The following CPEB3 variants were observed in gnomAD, a reference collection of about 807,000 sequenced individuals.
CPEB3 encodes the protein cytoplasmic polyadenylation element binding protein 3.
Under a neutral mutation model 67.2 loss-of-function variants are expected in CPEB3, and 20 were observed. The observed-to-expected ratio is 0.30, with a 90% CI of 0.21 to 0.43. The LOEUF (loss-of-function observed/expected upper bound fraction) is 0.43, where lower values mean the gene tolerates loss of function less well. CPEB3 is among the 20% of genes least tolerant of loss of function. The pLI is 1.00. For synonymous variants in CPEB3, 376 were observed against 393.1 expected (o/e 0.96, Z 0.51); for missense variants, 746 against 968.6 (o/e 0.77, Z 3.05).
At chr10:92,071,794 C>T (rs1185674618) in intron 9 of CPEB3, among the ~76,000 whole-genome samples, 1 of 151,912 alleles carries the variant, frequency 6.6e-6, no homozygotes, top group Admixed American at 6.6e-5. Context: ...CAAAACCAGC[C>T]ACATAAAAGA....
chr10:92,218,451 A>G (rs900332046), intron 2 of CPEB3, among the ~76,000 whole-genome samples: 7 of 152,204 alleles, frequency 4.6e-5, no homozygotes, highest in African/African-American at 1.7e-4. Flanking sequence ...AAAATCAAAG[A>G]GAAATTTTGA....
chr10:92,203,438 A>G (rs1849621003), intron 2 of CPEB3, among the ~76,000 whole-genome samples: 1 of 137,874 alleles, frequency 7.3e-6, no homozygotes. Flanking sequence ...GTATATATGT[A>G]TATGTATATA....
chr10:92,117,452 C>T (rs1197246472), intron 6 of CPEB3, among the ~76,000 whole-genome samples: 1 of 151,050 alleles, frequency 6.6e-6, no homozygotes, highest in Admixed American at 6.6e-5. Flanking sequence ...GCCTCAGCCT[C>T]CCGAGTAGCT....
At chr10:92,236,721 C>T (rs1255109414) in intron 2 of CPEB3, among the ~76,000 whole-genome samples, 1 of 151,790 alleles carries the variant, frequency 6.6e-6, no homozygotes, top group Non-Finnish European at 1.5e-5. Context: ...TGCACTCCAC[C>T]CTGAGCAACA....
intron 4 of CPEB3, among the ~76,000 whole-genome samples, chr10:92,176,235 T>C (rs1363219437): frequency 2.6e-5 from 4 of 152,162 alleles, no homozygotes; most frequent in Non-Finnish European, 5.9e-5. Context: ...TCTTTAAAGG[T>C]AATAATAAGC....
intron 2 of CPEB3, among the ~76,000 whole-genome samples, chr10:92,214,631 C>T (rs1011449237): frequency 6.6e-6 from 1 of 151,616 alleles, no homozygotes; most frequent in South Asian, 2.1e-4. Context: ...TACAGGCATG[C>T]ACCACGACAT....
intron 4 of CPEB3, among the ~76,000 whole-genome samples, chr10:92,159,669 C>A (rs912979144): frequency 3.3e-5 from 5 of 151,854 alleles, no homozygotes; most frequent in African/African-American, 1.2e-4. Context: ...GAGACTCCGT[C>A]TCAAAAAAAA....
chr10:92,138,811 T>C (rs1173693910), intron 6 of CPEB3, among the ~76,000 whole-genome samples: 6 of 152,082 alleles, frequency 3.9e-5, no homozygotes, highest in Admixed American at 2.0e-4. Context: ...AAACTAAAAA[T>C]AGAGCTACCA....
At chr10:92,202,830 T>C (rs1168205422) in intron 2 of CPEB3, among the ~76,000 whole-genome samples, 2 of 152,102 alleles carry the variant, frequency 1.3e-5, no homozygotes, top group South Asian at 2.1e-4. Context: ...TTAGTCATTA[T>C]ACTAAAAACC....
intron 2 of CPEB3, among the ~76,000 whole-genome samples, chr10:92,226,327 T>C (rs1272252799): frequency 6.6e-6 from 1 of 152,280 alleles, no homozygotes; most frequent in Non-Finnish European, 1.5e-5. Flanking sequence ...ACTCTTGTTT[T>C]AGACCTTATC....
chr10:92,289,543 C>CA (rs933654267), intron 1 of CPEB3, among the ~76,000 whole-genome samples: 4 of 150,818 alleles, frequency 2.7e-5, no homozygotes, highest in Admixed American at 2.6e-4. Flanking sequence ...CTCCATCTCT[C>CA]AAAATCAATG....
At chr10:92,094,258 T>C (rs1414428058) in intron 7 of CPEB3, among the ~76,000 whole-genome samples, 1 of 152,048 alleles carries the variant, frequency 6.6e-6, no homozygotes, top group African/African-American at 2.4e-5. Flanking sequence ...TGGACCTGTT[T>C]ACAATATTGT....
At chr10:92,111,284 G>T in intron 6 of CPEB3, 90 bp from the exon 7 acceptor site, 1 of 913,146 alleles carries the variant, frequency 1.1e-6, no homozygotes, top group Non-Finnish European at 1.8e-6. Context: ...TTTCATTTTG[G>T]CAAATTCTTA....
chr10:92,212,210 CTTTT>C (rs998565592), intron 2 of CPEB3, among the ~76,000 whole-genome samples: 3 of 119,996 alleles, frequency 2.5e-5, no homozygotes, highest in Admixed American at 8.6e-5. Flanking sequence ...ACAATAAATT[CTTTT>C]TTTTTTTTTT....
intron 1 of CPEB3, among the ~76,000 whole-genome samples, chr10:92,280,916 C>T (rs955916018): frequency 2.6e-5 from 4 of 151,394 alleles, no homozygotes; most frequent in South Asian, 2.1e-4. Flanking sequence ...TGTGCCACCA[C>T]GCCCGGCTAA....
intron 1 of CPEB3, among the ~76,000 whole-genome samples, chr10:92,271,183 A>G (rs576425164): frequency 1.3e-5 from 2 of 152,298 alleles, no homozygotes; most frequent in South Asian, 4.1e-4. Flanking sequence ...ACTCTGTCTC[A>G]AAAAACAAAC....
At chr10:92,141,936 T>C (rs1590228191) in intron 6 of CPEB3, among the ~76,000 whole-genome samples, 1 of 147,166 alleles carries the variant, frequency 6.8e-6, no homozygotes, top group South Asian at 2.1e-4. Flanking sequence ...GAGAATGGCG[T>C]GAATCCAGGA....
intron 9 of CPEB3, among the ~76,000 whole-genome samples, chr10:92,060,727 A>G (rs1052366292): frequency 6.6e-6 from 1 of 152,234 alleles, no homozygotes; most frequent in Non-Finnish European, 1.5e-5. Flanking sequence ...ATTTCTCAAA[A>G]GAAGACATAC....
chr10:92,211,753 G>C (rs1397009890), intron 2 of CPEB3, among the ~76,000 whole-genome samples: 2 of 151,564 alleles, frequency 1.3e-5, no homozygotes, highest in African/African-American at 4.9e-5. Context: ...ATGTTGGCTA[G>C]GCTGGTTTTG....
Sources: gnomAD v4.1 joint callset for allele counts (sites outside exome capture counted in the v4.1 genomes callset) on GRCh38, gnomAD v4.1.1 for gene constraint, MANE v1.5 for transcripts, NCBI Gene and HGNC (gene_info 2026-07-23, HGNC 2026-07-21) for gene names.